Variants in SF3A3 observed in about 807,000 individuals in gnomAD.
The protein encoded by SF3A3 is SAP 61.
In SF3A3, 9 loss-of-function variants were observed where a neutral mutation model predicts 85.8. That is an observed-to-expected ratio of 0.10 (90% confidence interval 0.06 to 0.18). The LOEUF is 0.18. Ranked by LOEUF, SF3A3 falls within the 10% of genes least tolerant of loss-of-function variation. The pLI is 1.00. For missense variants in SF3A3, 306 were observed against 593.3 expected (o/e 0.52, Z 5.03); for synonymous variants, 195 against 204.4 (o/e 0.95, Z 0.39).
At chr1:37,974,760 T>C (rs1367623960) in intron 12 of SF3A3, among the ~76,000 whole-genome samples, 1 of 152,214 alleles carries the variant, frequency 6.6e-6, no homozygotes, top group African/African-American at 2.4e-5. Context: ...TAAGGCAAAG[T>C]CCAAATTTCC....
At chr1:37,989,672 A>AC in intron 1 of SF3A3, 77 bp from the exon 2 acceptor site, 2 of 1,541,870 alleles carry the variant, frequency 1.3e-6, no homozygotes, top group Non-Finnish European at 1.8e-6. Flanking sequence ...GGCGGAGCTT[A>AC]CCCGCTCAGC....
intron 12 of SF3A3, among the ~76,000 whole-genome samples, chr1:37,975,774 A>C (rs1186699667): frequency 6.6e-6 from 1 of 152,234 alleles, no homozygotes; most frequent in Non-Finnish European, 1.5e-5. Flanking sequence ...TGTCCACGGC[A>C]ATTAACAAAA....
rs539569443 is a variant in SF3A3 at position 37,975,825 on chromosome 1, C to T, written c.1005+1059G>A. Among the ~76,000 whole-genome samples the T allele has an allele frequency of 2.2e-4, 34 of 152,278 alleles. 1 individual carries two copies. The South Asian group carries it at 6.0e-3, about 27-fold the overall frequency. ...ATCTGATCCAGAGCCATCCACTCAACGGACCATGCGAGTATGTGTAAAGGG... is the reference window on the plus strand; with the variant it reads ...ATCTGATCCAGAGCCATCCACTCAATGGACCATGCGAGTATGTGTAAAGGG... On this transcript the variant is annotated intron_variant, in intron 12 of 16. Transcript: ENST00000373019.
intron 12 of SF3A3, among the ~76,000 whole-genome samples, chr1:37,976,423 A>C (rs1204122800): frequency 6.6e-6 from 1 of 152,162 alleles, no homozygotes; most frequent in East Asian, 1.9e-4. Flanking sequence ...CTTTGTACTA[A>C]TAATATTCTA....
rs1646223432 is a variant in SF3A3, at chr1:37,957,154, T to A, written c.*1032A>T. On this transcript the variant is annotated 3_prime_UTR_variant, in exon 17 of 17. Coordinates refer to ENST00000373019, the MANE Select transcript of SF3A3 (RefSeq NM_006802.4). ...TTCCATTTCAGACACCACATTTGGA[T>A]CCTGGGGCAGCTGCTCAACTCTACC... 3 of 152,186 alleles carry A rather than the reference T, an allele frequency of 2.0e-5. No individual in the cohort carries two copies. Among genetic ancestry groups the A allele is most frequent in the Non-Finnish European group, 4.4e-5 (3 of 68,082 alleles). 9.4% of individuals were successfully genotyped at this position (152,186 alleles called of 1,614,324 possible).
intron 16 of SF3A3, among the ~76,000 whole-genome samples, chr1:37,958,598 A>G (rs1165860857): frequency 1.3e-5 from 2 of 152,220 alleles, no homozygotes; most frequent in Non-Finnish European, 2.9e-5. Flanking sequence ...GACCTACAAC[A>G]GCAGTTTTCA....
intron 8 of SF3A3, among the ~76,000 whole-genome samples, chr1:37,980,353 A>C (rs1418526544): frequency 6.6e-6 from 1 of 151,808 alleles, no homozygotes; most frequent in Non-Finnish European, 1.5e-5. Context: ...GAACCCGGGA[A>C]GCGGAGGTTG....
At chr1:37,968,000 G>T in intron 15 of SF3A3, 44 bp downstream of exon 15, 1 of 1,197,300 alleles carries the variant, frequency 8.4e-7, no homozygotes, top group Non-Finnish European at 1.3e-6. Flanking sequence ...AAGGAGTAGA[G>T]CCATTTGTAC....
chr1:37,974,582 A>G lies in SF3A3; in HGVS notation c.1005+2302T>C, dbSNP rs552070662. Among the ~76,000 whole-genome samples the G allele has an allele frequency of 1.2e-4, 18 of 152,152 alleles. No homozygotes were observed. In the East Asian group the frequency reaches 1.4e-3, roughly 11 times the overall value. On this transcript the variant is annotated intron_variant, in intron 12 of 16. Coordinates refer to ENST00000373019, the MANE Select transcript of SF3A3 (RefSeq NM_006802.4). ...CTCACAAAGGGCTGGGATTACGGGC[A>G]TGAGCCACTGCGCCCGGCCCAAGAT... is the stretch of plus-strand genomic sequence containing the variant.
chr1:37,966,935 C>CAAAA (rs11394683), intron 15 of SF3A3, among the ~76,000 whole-genome samples: 555 of 14,160 alleles, frequency 0.039, 47 homozygotes, highest in East Asian at 0.083. Flanking sequence ...AACTCCATCT[C>CAAAA]AAAAAAAAAA....
At chr1:37,972,743 G>A (rs1401177790) in intron 12 of SF3A3, among the ~76,000 whole-genome samples, 1 of 152,148 alleles carries the variant, frequency 6.6e-6, no homozygotes, top group Non-Finnish European at 1.5e-5. Context: ...TCTGATCTTT[G>A]ACAAACCTGA....
intron 15 of SF3A3, among the ~76,000 whole-genome samples, chr1:37,966,696 G>A (rs376707026): frequency 2.6e-4 from 40 of 151,924 alleles, no homozygotes; most frequent in African/African-American, 8.9e-4. Flanking sequence ...CAGCACTTTG[G>A]GAGGCCGAGG....
chr1:37,980,974 C>T (rs910345511), intron 7 of SF3A3, among the ~76,000 whole-genome samples: 5 of 151,248 alleles, frequency 3.3e-5, no homozygotes, highest in Non-Finnish European at 5.9e-5. Flanking sequence ...CTCAGCCTCC[C>T]GAATAGCTGG....
At chr1:37,978,655 T>G in intron 11 of SF3A3, 65 bp downstream of exon 11, 1 of 1,062,094 alleles carries the variant, frequency 9.4e-7, no homozygotes, top group Non-Finnish European at 1.4e-6. Context: ...TCCACTGTGG[T>G]TAAAAATTCT....
Position 37,969,595 on chromosome 1 carries a change from G to A in SF3A3, c.1146C>T (p.Asn382=). 1 of 1,614,196 alleles carries A rather than the reference G, an allele frequency of 6.2e-7. No homozygotes were observed. Among genetic ancestry groups the A allele is most frequent in the South Asian group, 1.1e-5 (1 of 91,086 alleles). The change falls in exon 13 of 17, where the codon AAC becomes AAT. Residue 382 remains asparagine, a synonymous_variant. Coordinates refer to ENST00000373019, the MANE Select transcript of SF3A3 (RefSeq NM_006802.4). ...CTTTGCCATCCCAGCCAAGTGGCAG[G>A]TTTTTGGGGTTGTAAATGATCTCGT... ...EENEIIYNPK[N]LPLGWDGKPI...
At chr1:37,969,782 TAAG>T (rs1249446407) in intron 12 of SF3A3, 47 bp from the exon 13 acceptor site, 2 of 1,591,278 alleles carry the variant, frequency 1.3e-6, no homozygotes, top group Non-Finnish European at 8.6e-7. Context: ...TAGTGCAGAA[TAAG>T]AAGGGAAATT....
chr1:37,988,809 C>T (rs2148726010), intron 2 of SF3A3, among the ~76,000 whole-genome samples: 1 of 151,734 alleles, frequency 6.6e-6, no homozygotes, highest in South Asian at 2.1e-4. Flanking sequence ...TAGTCCAAAA[C>T]GCTTTAAAGT....
intron 12 of SF3A3, among the ~76,000 whole-genome samples, chr1:37,975,447 C>T (rs757716748): frequency 1.7e-4 from 26 of 151,470 alleles, no homozygotes; most frequent in Non-Finnish European, 3.7e-4. Flanking sequence ...ACCCAGGAGG[C>T]GGAGGTTGCA....
intron 16 of SF3A3, among the ~76,000 whole-genome samples, chr1:37,959,296 C>A (rs1319769542): frequency 6.6e-6 from 1 of 152,124 alleles, no homozygotes; most frequent in Non-Finnish European, 1.5e-5. Context: ...CCAGGCTGGT[C>A]TCCAATTCCT....
Sources: gnomAD v4.1 joint callset for allele counts (sites outside exome capture counted in the v4.1 genomes callset) on GRCh38, gnomAD v4.1.1 for gene constraint, MANE v1.5 for transcripts, NCBI Gene and HGNC (gene_info 2026-07-23, HGNC 2026-07-21) for gene names.